Variants in UTP18 observed in about 807,000 individuals in gnomAD.
UTP18 encodes the protein UTP18 small subunit processome component.
Under a neutral mutation model 61.1 loss-of-function variants are expected in UTP18, and 36 were observed. The observed-to-expected ratio is 0.59, with a 90% CI of 0.45 to 0.78. UTP18 has a LOEUF of 0.78. Ranked by LOEUF, UTP18 falls within the 30% of genes least tolerant of loss-of-function variation. The probability of loss-of-function intolerance (pLI) is 0.00; values close to 1 mark genes in which losing one functional copy is unlikely to be tolerated. For missense variants in UTP18, 753 were observed against 693.9 expected, an observed-to-expected ratio of 1.09 and a Z score of -0.96; for synonymous variants, 282 against 251.1, an observed-to-expected ratio of 1.12 and a Z score of -1.16.
intron 2 of UTP18, among the ~76,000 whole-genome samples, chr17:51,264,235 C>T (rs935496420): frequency 1.3e-4 from 19 of 151,874 alleles, no homozygotes; most frequent in South Asian, 4.2e-4. Flanking sequence ...CAGAGTTAGA[C>T]GGAGTTTTGC....
At chr17:51,284,789 G>A (rs1244858449) in intron 9 of UTP18, among the ~76,000 whole-genome samples, 2 of 152,120 alleles carry the variant, frequency 1.3e-5, no homozygotes, top group Non-Finnish European at 2.9e-5. Flanking sequence ...GGCCGGGCAT[G>A]GTGGCTCACA....
intron 11 of UTP18, 148 bp downstream of exon 11, chr17:51,288,351 G>A: frequency 1.1e-6 from 1 of 872,692 alleles, no homozygotes; most frequent in South Asian, 1.9e-5. Context: ...GCTTTTGGAT[G>A]TGGTTGTTGG....
Position 51,285,322 on chromosome 17 carries a change from G to A in UTP18, c.1282G>A (p.Gly428Arg), listed in dbSNP as rs1224647287. Residue 428 changes from glycine to arginine, a missense_variant, in exon 10 of 14, where the codon GGA becomes AGA. Physicochemically the swap from Gly to Arg is moderately radical, Grantham distance 125. Transcript: ENST00000225298. The stretch of plus-strand genomic sequence containing the variant: ...ATTTGTTGATGAAGGCAGTTTATAT[G>A]GATTAAGCATTGCCACATCTAGGAA... ...NRFVDEGSLY[G>R]LSIATSRNGQ... 3.7e-6 allele frequency: 6 copies of A among 1,612,230 alleles called. No homozygotes were observed. Among genetic ancestry groups the A allele is most frequent in the Non-Finnish European group, 5.1e-6 (6 of 1,179,028 alleles).
intron 7 of UTP18, among the ~76,000 whole-genome samples, chr17:51,279,391 G>C (rs1349626314): frequency 2.0e-5 from 3 of 152,184 alleles, no homozygotes; most frequent in African/African-American, 7.2e-5. Context: ...TAAGTTGACT[G>C]TATATACCTA....
chr17:51,294,790 A>C (rs1905321342), intron 12 of UTP18, among the ~76,000 whole-genome samples: 1 of 152,008 alleles, frequency 6.6e-6, no homozygotes, highest in Non-Finnish European at 1.5e-5. Flanking sequence ...TGACTTCCAC[A>C]ATGGTTGAAC....
chr17:51,297,343 T>G (rs1363230090), intron 13 of UTP18, among the ~76,000 whole-genome samples: 1 of 152,246 alleles, frequency 6.6e-6, no homozygotes, highest in Non-Finnish European at 1.5e-5. Context: ...CTATAGCTTG[T>G]ATGAGCTTGA....
Position 51,297,827 on chromosome 17 carries a change from G to A in UTP18, c.*60G>A, listed in dbSNP as rs1905409458. ...AAGCCTGTCTTGATATATCATCTCA[G>A]AAACTTTCCTGAATATGTGATAATA... On this transcript the variant is annotated 3_prime_UTR_variant, in exon 14 of 14. Coordinates refer to ENST00000225298, the MANE Select transcript of UTP18 (RefSeq NM_016001.3). The A allele has an allele frequency of 2.6e-6, 1 of 382,192 alleles. No homozygotes were observed. Among genetic ancestry groups the A allele is most frequent in the Non-Finnish European group, 4.9e-6 (1 of 202,856 alleles). The allele number at this position is 382,192 out of a possible 1,614,324, so 23.7% of individuals were successfully genotyped here.
At chr17:51,291,750 AAAAG>A (rs1250765807) in intron 11 of UTP18, among the ~76,000 whole-genome samples, 9 of 150,102 alleles carry the variant, frequency 6.0e-5, no homozygotes, top group Non-Finnish European at 7.5e-5. Flanking sequence ...AAAAAAAAAA[AAAAG>A]AAAAGAAAAG....
intron 11 of UTP18, among the ~76,000 whole-genome samples, chr17:51,290,521 GA>G (rs1905214275): frequency 6.6e-6 from 1 of 152,202 alleles, no homozygotes; most frequent in African/African-American, 2.4e-5. Flanking sequence ...TGATAAATGA[GA>G]AGGTTCTAAT....
At chr17:51,279,877 G>C (rs949022410) in intron 7 of UTP18, 128 bp from the exon 8 acceptor site, 20 of 755,938 alleles carry the variant, frequency 2.6e-5, no homozygotes, top group Non-Finnish European at 4.1e-5. Context: ...TTCGGGGTCT[G>C]AGCCAGGGTT....
intron 12 of UTP18, chr17:51,296,275 A>G (rs1396252474): frequency 6.6e-6 from 1 of 152,228 alleles, no homozygotes; most frequent in Non-Finnish European, 1.5e-5. Flanking sequence ...TGAATGCTAC[A>G]TAGAACCCTG....
chr17:51,292,780 A>G lies in UTP18; in HGVS notation c.1504-1123A>G, dbSNP rs115641857. ...TGAGGACCTGTCTCAACTCTCCTGA[A>G]CTTAGGAAGTAGACTCTGGAGAAAG... On this transcript the variant is annotated intron_variant, in intron 11 of 13. Coordinates refer to ENST00000225298, the MANE Select transcript of UTP18 (RefSeq NM_016001.3). Among the ~76,000 whole-genome samples the G allele has an allele frequency of 1.8e-3, 279 of 152,276 alleles. 4 individuals carry two copies. Among genetic ancestry groups the G allele is most frequent in the African/African-American group, 6.0e-3 (249 of 41,550 alleles).
chr17:51,293,516 T>A (rs74708191), intron 11 of UTP18, among the ~76,000 whole-genome samples: 2 of 143,734 alleles, frequency 1.4e-5, no homozygotes, highest in African/African-American at 5.2e-5. Flanking sequence ...TTTTTTTTTT[T>A]AAGCTCATCA....
At position 51,297,777 on chromosome 17, in the gene UTP18, C is replaced by T; in HGVS notation, c.*15-5C>T. 1 of 428,450 alleles carries T rather than the reference C, an allele frequency of 2.3e-6. No homozygotes were observed. Among genetic ancestry groups the T allele is most frequent in the Non-Finnish European group, 4.6e-6 (1 of 217,656 alleles). 26.5% of individuals were successfully genotyped at this position (428,450 alleles called of 1,614,324 possible). On this transcript the variant is annotated splice_polypyrimidine_tract_variant and splice_region_variant and intron_variant, in intron 13 of 13. Coordinates refer to ENST00000225298, the MANE Select transcript of UTP18 (RefSeq NM_016001.3). ...GGTATGTAATTTCTTTTGTTCTTTCCTCAGGTCCAGTTGAGTCACAAGAGA... is the reference window on the plus strand; with the variant it reads ...GGTATGTAATTTCTTTTGTTCTTTCTTCAGGTCCAGTTGAGTCACAAGAGA...
At chr17:51,273,324 G>A (rs1904593162) in intron 4 of UTP18, 38 bp from the exon 5 acceptor site, 2 of 1,526,214 alleles carry the variant, frequency 1.3e-6, no homozygotes, top group African/African-American at 2.8e-5. Flanking sequence ...GCAGCTCATT[G>A]ATTCTAAAGA....
chr17:51,266,096 A>G (rs2055558081), intron 2 of UTP18, 86 bp from the exon 3 acceptor site: 1 of 1,012,798 alleles, frequency 9.9e-7, no homozygotes, highest in Non-Finnish European at 1.4e-6. Context: ...TGTTTCATTA[A>G]ACATTTTTCT....
In UTP18 at chr17:51,297,901, C is replaced by T; in HGVS notation, c.*134C>T. 6.4e-6 allele frequency: 2 copies of T among 312,244 alleles called. No individual in the cohort carries two copies. The highest frequency in any genetic ancestry group is 1.2e-5 in the Non-Finnish European group (2 of 165,072). The allele number at this position is 312,244 out of a possible 1,614,324, so 19.3% of individuals were successfully genotyped here. ...AGCTGTGCTTAAGAGCCAGTAATGT[C>T]TTAATAAACATGTGGCAGCTTTTGT... is the stretch of plus-strand genomic sequence containing the variant. On this transcript the variant is annotated 3_prime_UTR_variant, in exon 14 of 14. Coordinates refer to ENST00000225298, the MANE Select transcript of UTP18 (RefSeq NM_016001.3).
At chr17:51,275,652 TA>T (rs537895521) in intron 5 of UTP18, among the ~76,000 whole-genome samples, 211 of 152,254 alleles carry the variant, frequency 1.4e-3, no homozygotes, top group African/African-American at 4.5e-3. Context: ...TGAAAGATGG[TA>T]AAAATGGATT....
intron 12 of UTP18, chr17:51,296,521 T>C (rs1214920034): frequency 6.5e-6 from 1 of 154,022 alleles, no homozygotes; most frequent in Non-Finnish European, 1.4e-5. Flanking sequence ...AGTTTGTATT[T>C]TATAAAAGGA....
Sources: gnomAD v4.1 joint callset for allele counts (sites outside exome capture counted in the v4.1 genomes callset) on GRCh38, gnomAD v4.1.1 for gene constraint, MANE v1.5 for transcripts, NCBI Gene and HGNC (gene_info 2026-07-23, HGNC 2026-07-21) for gene names.